The following IL6ST variants were observed in gnomAD, a reference collection of about 807,000 sequenced individuals.
IL6ST encodes interleukin 6 cytokine family signal transducer, also known as interleukin-6 receptor subunit beta.
In IL6ST, 24 loss-of-function variants were observed where a neutral mutation model predicts 91.3. That is an observed-to-expected ratio of 0.26 (90% CI 0.19 to 0.37). The LOEUF (loss-of-function observed/expected upper bound fraction) is 0.37. Among genes scored for constraint, IL6ST ranks in the 10% least tolerant of loss-of-function variants. The pLI is 1.00. For synonymous variants in IL6ST, 351 were observed against 373.6 expected (o/e 0.94, Z 0.70); for missense variants, 914 against 1,078.5 (o/e 0.85, Z 2.14).
At chr5:55,987,828 GTAC>G (rs1209668888) in intron 1 of IL6ST, among the ~76,000 whole-genome samples, 3 of 152,134 alleles carry the variant, frequency 2.0e-5, no homozygotes, top group African/African-American at 7.2e-5. Flanking sequence ...GCTGCCACAG[GTAC>G]TACTATAAGA....
In IL6ST at chr5:55,956,355, GATTCAC is replaced by G. The variant is rs1751973636; in HGVS notation, c.1057-126_1057-121del. 6 of 628,814 alleles carry G rather than the reference GATTCAC, an allele frequency of 9.5e-6. No homozygotes were observed. The South Asian group carries it at 1.3e-4, about 13-fold the overall frequency. The allele number at this position is 628,814 out of a possible 1,614,324, so 39.0% of individuals were successfully genotyped here. A position where few individuals can be genotyped will look rare whatever the true frequency, so the allele number is the denominator to read the frequency against. ...AATCTCTAAATATTTAACTGGAAAGGATTCACAATCTCCATTTTAAATTTGGTTCTA... is the reference window on the plus strand; with the variant it reads ...AATCTCTAAATATTTAACTGGAAAGGAATCTCCATTTTAAATTTGGTTCTA... On this transcript the variant is annotated intron_variant, in intron 9 of 16. Coordinates refer to ENST00000381298, the MANE Select transcript of IL6ST (RefSeq NM_002184.4).
intron 11 of IL6ST, among the ~76,000 whole-genome samples, chr5:55,953,115 C>A (rs11574777): frequency 0.088 from 13,432 of 152,082 alleles, 673 homozygotes; most frequent in Middle Eastern, 0.14. Context: ...TTAGCATGCA[C>A]CACTAAAATT....
chr5:55,953,614 G>A (rs1046705329), intron 11 of IL6ST, among the ~76,000 whole-genome samples: 4 of 152,186 alleles, frequency 2.6e-5, no homozygotes, highest in Non-Finnish European at 2.9e-5. Flanking sequence ...TCGAACTCCC[G>A]ACCTCAGGTG....
rs1255758076 is a variant in IL6ST at position 55,939,476 on chromosome 5, G to GT, written c.*1605dup. 1 of 204,676 alleles carries GT rather than the reference G, an allele frequency of 4.9e-6. No individual in the cohort carries two copies. The highest frequency in any genetic ancestry group is 7.6e-5 in the East Asian group (1 of 13,218). 12.7% of individuals were successfully genotyped at this position (204,676 alleles called of 1,614,324 possible). A position where few individuals can be genotyped will look rare whatever the true frequency, so the allele number is the denominator to read the frequency against. On this transcript the variant is annotated 3_prime_UTR_variant, in exon 17 of 17. Transcript: ENST00000381298. ...GAACAATATTCTGAGAGTAAAAAGTGTAATTATATTTCCATTGTAAATGTA... is the reference window on the plus strand; with the variant it reads ...GAACAATATTCTGAGAGTAAAAAGTGTTAATTATATTTCCATTGTAAATGTA...
intron 15 of IL6ST, 152 bp downstream of exon 15, chr5:55,947,341 T>A: frequency 1.8e-6 from 1 of 564,198 alleles, no homozygotes; most frequent in Middle Eastern, 4.7e-4. Context: ...GATGAAAATG[T>A]TCTATATTGT....
chr5:55,957,358 A>G, intron 8 of IL6ST, 67 bp from the exon 9 acceptor site: 1 of 817,522 alleles, frequency 1.2e-6, no homozygotes, highest in South Asian at 1.6e-5. Context: ...TCTGCAAATT[A>G]TTCTTTTACT....
intron 11 of IL6ST, among the ~76,000 whole-genome samples, chr5:55,954,383 T>C (rs1293584461): frequency 6.6e-6 from 1 of 152,182 alleles, no homozygotes; most frequent in Non-Finnish European, 1.5e-5. Flanking sequence ...TTGAAAGACA[T>C]AAGGAAATCT....
chr5:55,938,534 G>A lies in IL6ST; in HGVS notation c.*2548C>T, dbSNP rs1750678649. On this transcript the variant is annotated 3_prime_UTR_variant, in exon 17 of 17. Transcript: ENST00000381298. Reference sequence around the variant, plus strand: ...GCAACTGCAGGTGCAGAAGCAGTGAGTGAACTAGTTTTGTCCAGACAAGGT... The same window carrying A: ...GCAACTGCAGGTGCAGAAGCAGTGAATGAACTAGTTTTGTCCAGACAAGGT... 5.0e-6 allele frequency: 1 copy of A among 199,366 alleles called. No individual in the cohort carries two copies. The highest frequency in any genetic ancestry group is 6.0e-5 in the Admixed American group (1 of 16,612). The allele number at this position is 199,366 out of a possible 1,614,324, so 12.3% of individuals were successfully genotyped here. A position where few individuals can be genotyped will look rare whatever the true frequency, so the allele number is the denominator to read the frequency against.
At chr5:55,975,985 T>C (rs1208438635) in intron 3 of IL6ST, among the ~76,000 whole-genome samples, 1 of 151,620 alleles carries the variant, frequency 6.6e-6, no homozygotes, top group Non-Finnish European at 1.5e-5. Flanking sequence ...TTAAGATTAC[T>C]GACTTAAATT....
At chr5:55,967,479 G>C (rs929345466) in intron 5 of IL6ST, among the ~76,000 whole-genome samples, 1 of 151,582 alleles carries the variant, frequency 6.6e-6, no homozygotes, top group South Asian at 2.1e-4. Context: ...TTCGAATCTT[G>C]ACTGAAACAA....
chr5:55,988,377 C>G (rs1754107641), intron 1 of IL6ST, among the ~76,000 whole-genome samples: 1 of 152,104 alleles, frequency 6.6e-6, no homozygotes, highest in Non-Finnish European at 1.5e-5. Flanking sequence ...ACTATTAGGA[C>G]TATTGAGAAT....
intron 1 of IL6ST, chr5:55,994,048 C>CAAAAAAAA (rs34900510): frequency 1.7e-5 from 1 of 57,688 alleles, no homozygotes; most frequent in Non-Finnish European, 3.1e-5. Flanking sequence ...CTTCTGAAGG[C>CAAAAAAAA]AAAAAAAAAA....
At chr5:55,941,958 A>C in intron 16 of IL6ST, 139 bp from the exon 17 acceptor site, 1 of 679,262 alleles carries the variant, frequency 1.5e-6, no homozygotes, top group Non-Finnish European at 2.5e-6. Context: ...ACTACCCAAA[A>C]TGCAGATACT....
intron 3 of IL6ST, among the ~76,000 whole-genome samples, chr5:55,974,168 T>C (rs6450357): frequency 0.12 from 18,355 of 152,150 alleles, 1,171 homozygotes; most frequent in Middle Eastern, 0.15. Context: ...AGTGCCACTG[T>C]AGTCAGATTG....
intron 14 of IL6ST, 33 bp downstream of exon 14, chr5:55,951,431 A>G: frequency 6.4e-7 from 1 of 1,567,152 alleles, no homozygotes; most frequent in Non-Finnish European, 8.7e-7. Flanking sequence ...TAAGTTTGAG[A>G]AAGAAAAAAA....
intron 15 of IL6ST, among the ~76,000 whole-genome samples, chr5:55,943,449 TC>T (rs1751045139): frequency 6.6e-6 from 1 of 152,156 alleles, no homozygotes; most frequent in Admixed American, 6.5e-5. Context: ...GGTAACATGT[TC>T]CCATTCATTT....
chr5:55,980,481 C>T (rs190032206), intron 2 of IL6ST, among the ~76,000 whole-genome samples: 13 of 152,162 alleles, frequency 8.5e-5, no homozygotes, highest in African/African-American at 2.9e-4. Flanking sequence ...ACCCGGGAGG[C>T]GGAGGTTGCA....
chr5:55,973,101 T>C (rs955797072), intron 3 of IL6ST, among the ~76,000 whole-genome samples: 10 of 152,060 alleles, frequency 6.6e-5, no homozygotes, highest in Admixed American at 2.6e-4. Context: ...CTTTTATAGG[T>C]TCATACTCAA....
In IL6ST at chr5:55,937,443, C is replaced by T. The variant is rs867324220; in HGVS notation, c.*3639G>A. The T allele has an allele frequency of 4.7e-6, 1 of 211,856 alleles. No individual in the cohort carries two copies. Among genetic ancestry groups the T allele is most frequent in the Non-Finnish European group, 9.6e-6 (1 of 104,552 alleles). 13.1% of individuals were successfully genotyped at this position (211,856 alleles called of 1,614,324 possible). A position where few individuals can be genotyped will look rare whatever the true frequency, so the allele number is the denominator to read the frequency against. On this transcript the variant is annotated 3_prime_UTR_variant, in exon 17 of 17. Transcript: ENST00000381298. ...ATAGGTTAATGCAAAAGATAATACG[C>T]TTGGCTTTGTAAAGTTTTGTTTTGA... is the stretch of plus-strand genomic sequence containing the variant.
Sources: gnomAD v4.1 joint callset for allele counts (sites outside exome capture counted in the v4.1 genomes callset) on GRCh38, gnomAD v4.1.1 for gene constraint, MANE v1.5 for transcripts, NCBI Gene and HGNC (gene_info 2026-07-23, HGNC 2026-07-21) for gene names.